The following SH3KBP1 variants were observed in gnomAD, a reference collection of about 807,000 sequenced individuals.
The protein encoded by SH3KBP1 is SH3 domain-containing kinase-binding protein 1.
A neutral mutation model predicts 50.1 loss-of-function variants in SH3KBP1; 8 were observed. That is an observed-to-expected ratio of 0.16 (90% confidence interval 0.09 to 0.29). SH3KBP1 has a LOEUF of 0.29. Among genes scored for constraint, SH3KBP1 ranks in the 10% least tolerant of loss-of-function variants. The pLI is 1.00. For synonymous variants in SH3KBP1, 227 were observed against 218.6 expected, an observed-to-expected ratio of 1.04 and a Z score of -0.34; for missense variants, 377 against 535.2, an observed-to-expected ratio of 0.70 and a Z score of 2.92.
intron 3 of SH3KBP1, among the ~76,000 whole-genome samples, chrX:19,737,699 C>T (rs1011135186): frequency 8.9e-6 from 1 of 111,853 alleles, no homozygotes; most frequent in African/African-American, 3.3e-5. Context: ...CCTGAACACC[C>T]TGGCCTCACC....
chrX:19,704,223 C>A (rs1170932315), intron 4 of SH3KBP1, among the ~76,000 whole-genome samples: 1 of 112,190 alleles, frequency 8.9e-6, no homozygotes, highest in South Asian at 3.6e-4. Flanking sequence ...TAGCTGGCAG[C>A]GAATAATAGA....
At position 19,830,907 on chromosome X, in the gene SH3KBP1, G is replaced by A. The variant is rs1451250561; in HGVS notation, c.162+5218C>T. Among the ~76,000 whole-genome samples the A allele has an allele frequency of 2.7e-5, 3 of 112,082 alleles. No individual in the cohort carries two copies. In the East Asian group the frequency reaches 8.4e-4, roughly 31 times the overall value. On this transcript the variant is annotated intron_variant, in intron 2 of 17. Transcript: ENST00000397821. The stretch of plus-strand genomic sequence containing the variant: ...CTAAAAAGGCATGTGGCCTAGCTGG[G>A]TACATTTCTGCATAATGAAAAATAG...
chrX:19,694,295 C>G (rs1176485734), intron 5 of SH3KBP1, among the ~76,000 whole-genome samples: 2 of 111,579 alleles, frequency 1.8e-5, no homozygotes, highest in Non-Finnish European at 3.8e-5. Context: ...GAGAAGACAC[C>G]AGGGCAGCTA....
chrX:19,687,531 C>T (rs1264645667), intron 5 of SH3KBP1: 1 of 726,660 alleles, frequency 1.4e-6, no homozygotes, highest in Non-Finnish European at 2.2e-6. Context: ...TAAGCATGAG[C>T]AGCTCAGGAA....
intron 2 of SH3KBP1, among the ~76,000 whole-genome samples, chrX:19,748,882 C>T (rs2064994459): frequency 9.0e-6 from 1 of 111,348 alleles, no homozygotes; most frequent in Non-Finnish European, 1.9e-5. Flanking sequence ...TCTAAGCAGT[C>T]GCCCAGTCTG....
intron 8 of SH3KBP1, among the ~76,000 whole-genome samples, chrX:19,618,974 G>C (rs1486447738): frequency 5.8e-5 from 4 of 68,797 alleles, no homozygotes; most frequent in African/African-American, 3.2e-4. Context: ...CTTAAAAAAC[G>C]AACAAAAAAA....
intron 3 of SH3KBP1, among the ~76,000 whole-genome samples, chrX:19,725,842 C>T (rs1433980890): frequency 1.8e-5 from 2 of 112,229 alleles, no homozygotes; most frequent in Admixed American, 1.9e-4. Context: ...AAACCTGGGC[C>T]CTGACAAGCC....
At chrX:19,720,223 C>G (rs1053414058) in intron 3 of SH3KBP1, among the ~76,000 whole-genome samples, 2 of 110,874 alleles carry the variant, frequency 1.8e-5, no homozygotes, top group Admixed American at 9.6e-5. Flanking sequence ...TTTCTTCAGG[C>G]TGGTCCCAGG....
At chrX:19,600,617 G>A (rs1425594267) in intron 9 of SH3KBP1, among the ~76,000 whole-genome samples, 1 of 111,277 alleles carries the variant, frequency 9.0e-6, no homozygotes, top group East Asian at 2.8e-4. Context: ...GGGTCCTCCG[G>A]GCTAAGTAGT....
At chrX:19,803,170 A>G (rs1043950847) in intron 2 of SH3KBP1, among the ~76,000 whole-genome samples, 16 of 111,882 alleles carry the variant, frequency 1.4e-4, no homozygotes, top group Non-Finnish European at 2.3e-4. Flanking sequence ...AATGCACAAC[A>G]TCTCTCACCG....
At chrX:19,714,413 T>C (rs2063852659) in intron 3 of SH3KBP1, among the ~76,000 whole-genome samples, 1 of 111,733 alleles carries the variant, frequency 8.9e-6, no homozygotes, top group Non-Finnish European at 1.9e-5. Context: ...CTCCATGATG[T>C]GATTATTACA....
chrX:19,577,618 T>G (rs1216327330), intron 12 of SH3KBP1, among the ~76,000 whole-genome samples: 1 of 110,654 alleles, frequency 9.0e-6, no homozygotes, highest in African/African-American at 3.3e-5. Flanking sequence ...CATGGCCCAA[T>G]TTAGCCTGCG....
chrX:19,649,908 C>G (rs961563852), intron 6 of SH3KBP1, among the ~76,000 whole-genome samples: 1 of 112,310 alleles, frequency 8.9e-6, no homozygotes, highest in Admixed American at 9.4e-5. Flanking sequence ...GAACGTGAGA[C>G]CAAGATCCTG....
chrX:19,638,698 G>C (rs1443980274), intron 7 of SH3KBP1, among the ~76,000 whole-genome samples: 1 of 111,959 alleles, frequency 8.9e-6, no homozygotes, highest in African/African-American at 3.3e-5. Flanking sequence ...GGGTGGACAA[G>C]TATGGTGGTA....
chrX:19,715,274 C>CAAA (rs35221727), intron 3 of SH3KBP1, among the ~76,000 whole-genome samples: 4 of 40,312 alleles, frequency 9.9e-5, no homozygotes, highest in East Asian at 9.4e-4. Flanking sequence ...ACCTTGTCTC[C>CAAA]AAAAAAAAAA....
At chrX:19,571,895 G>C (rs192667871) in intron 12 of SH3KBP1, among the ~76,000 whole-genome samples, 3 of 110,120 alleles carry the variant, frequency 2.7e-5, no homozygotes, top group Non-Finnish European at 3.8e-5. Flanking sequence ...GGCAGCTGGG[G>C]TTAAGTCAGA....
intron 13 of SH3KBP1, among the ~76,000 whole-genome samples, chrX:19,567,216 T>C (rs1357849379): frequency 9.2e-6 from 1 of 108,798 alleles, no homozygotes; most frequent in Non-Finnish European, 1.9e-5. Context: ...TACACAAACC[T>C]ACATGTATGA....
intron 1 of SH3KBP1, among the ~76,000 whole-genome samples, chrX:19,862,211 G>A (rs773493296): frequency 2.7e-5 from 3 of 111,965 alleles, no homozygotes; most frequent in African/African-American, 9.7e-5. Context: ...GAATTTGCTC[G>A]GTTTTAATTT....
chrX:19,630,701 AC>A (rs2061556356), intron 8 of SH3KBP1, among the ~76,000 whole-genome samples: 1 of 111,894 alleles, frequency 8.9e-6, no homozygotes, highest in African/African-American at 3.3e-5. Context: ...CCATGAGAGG[AC>A]CAGCTTTCTC....
Sources: gnomAD v4.1 joint callset for allele counts (sites outside exome capture counted in the v4.1 genomes callset) on GRCh38, gnomAD v4.1.1 for gene constraint, MANE v1.5 for transcripts, NCBI Gene and HGNC (gene_info 2026-07-23, HGNC 2026-07-21) for gene names.